ERAP1: variants seen among roughly 807,000 people sequenced by gnomAD.
The protein encoded by ERAP1 is adipocyte-derived leucine aminopeptidase.
A neutral mutation model predicts 103.7 loss-of-function variants in ERAP1; 86 were observed. That is an observed-to-expected ratio of 0.83 (90% CI 0.70 to 0.99). The LOEUF (loss-of-function observed/expected upper bound fraction) is 0.99, where lower values mean the gene tolerates loss of function less well. ERAP1 is among the 50% of genes least tolerant of loss of function. The pLI is 0.00. For synonymous variants in ERAP1, 398 were observed against 402.4 expected, an observed-to-expected ratio of 0.99 and a Z score of 0.13; for missense variants, 1,009 against 1,128.4, an observed-to-expected ratio of 0.89 and a Z score of 1.52.
chr5:96,812,593 C>G (rs1467000656), upstream of ERAP1, among the ~76,000 whole-genome samples: 1 of 151,920 alleles, frequency 6.6e-6, no homozygotes, highest in Non-Finnish European at 1.5e-5. Flanking sequence ...TGGTGTTATG[C>G]TACTAACTGT....
At chr5:96,912,265 T>A in the ERAP1 span, among the ~76,000 whole-genome samples, 7 of 149,622 alleles carry the variant, frequency 4.7e-5, no homozygotes, top group Middle Eastern at 3.4e-3. Flanking sequence ...TAATCATCTT[T>A]AAAAAAAAAA....
chr5:96,894,814 TA>T, the ERAP1 span, among the ~76,000 whole-genome samples: 1 of 152,218 alleles, frequency 6.6e-6, no homozygotes, highest in South Asian at 2.1e-4. Flanking sequence ...CTACTTAATA[TA>T]AAAAGATAAC....
rs972339222 is a variant in ERAP1, at chr5:96,774,916, T to C, written c.*1480A>G. On this transcript the variant is annotated 3_prime_UTR_variant, in exon 19 of 19. Coordinates refer to ENST00000443439, the MANE Select transcript of ERAP1 (RefSeq NM_001040458.3). ...GGGGAACACATTTTGACATTTTTCG[T>C]ACCAATCATCAATCATATTCCCTTA... 7.4e-5 allele frequency: 73 copies of C among 985,324 alleles called. No individual in the cohort carries two copies. The highest frequency in any genetic ancestry group is 8.6e-5 in the Non-Finnish European group (71 of 829,756). 61.0% of individuals were successfully genotyped at this position (985,324 alleles called of 1,614,324 possible).
chr5:96,883,866 AAGCC>A, the ERAP1 span: 1 of 1,613,934 alleles, frequency 6.2e-7, no homozygotes, highest in Non-Finnish European at 8.5e-7. Context: ...CCGTTGTTCA[AAGCC>A]AACTTTTCAA....
At chr5:96,928,042 A>T in the ERAP1 span, among the ~76,000 whole-genome samples, 1 of 152,116 alleles carries the variant, frequency 6.6e-6, no homozygotes, top group Non-Finnish European at 1.5e-5. Context: ...AGTAGCTGGG[A>T]TTACAGACAC....
intron 4 of ERAP1, among the ~76,000 whole-genome samples, chr5:96,796,335 T>C (rs1194679940): frequency 2.6e-5 from 4 of 152,356 alleles, no homozygotes; most frequent in East Asian, 3.9e-4. Context: ...TATGCAACAG[T>C]ACCCAAATGA....
chr5:96,864,912 A>G, the ERAP1 span, among the ~76,000 whole-genome samples: 1 of 152,200 alleles, frequency 6.6e-6, no homozygotes, highest in Non-Finnish European at 1.5e-5. Flanking sequence ...TAAAAATCTT[A>G]TGGATACAGA....
the ERAP1 span, among the ~76,000 whole-genome samples, chr5:96,903,114 A>G: frequency 6.6e-6 from 1 of 152,184 alleles, no homozygotes; most frequent in Admixed American, 6.5e-5. Flanking sequence ...CCTTCCTTGC[A>G]TGTCTCTTAG....
At chr5:96,822,467 T>A in the ERAP1 span, among the ~76,000 whole-genome samples, 5 of 152,168 alleles carry the variant, frequency 3.3e-5, no homozygotes, top group Admixed American at 3.3e-4. Flanking sequence ...AAAATCCAGA[T>A]AAAGTATAAT....
chr5:96,794,311 TGC>T (rs1777100620), intron 5 of ERAP1, among the ~76,000 whole-genome samples: 1 of 150,946 alleles, frequency 6.6e-6, no homozygotes, highest in African/African-American at 2.4e-5. Flanking sequence ...ATCTCAGCCT[TGC>T]AAGTAGCTGG....
the ERAP1 span, chr5:96,909,159 T>A: frequency 4.4e-6 from 7 of 1,585,932 alleles, no homozygotes; most frequent in East Asian, 1.3e-4. Flanking sequence ...AAATACACAG[T>A]GTCTGGAGTA....
chr5:96,797,556 C>T (rs1188966918), intron 3 of ERAP1, among the ~76,000 whole-genome samples: 2 of 152,078 alleles, frequency 1.3e-5, no homozygotes, highest in Non-Finnish European at 1.5e-5. Context: ...GTCATAGCTA[C>T]TGGGGAGGCT....
chr5:96,906,263 T>TTCTTCTTCTTCAAGGGCTTTGC, the ERAP1 span, among the ~76,000 whole-genome samples: 1 of 151,894 alleles, frequency 6.6e-6, no homozygotes, highest in African/African-American at 2.4e-5. Flanking sequence ...CTTCTTCCTC[T>TTCTTCTTCTTCAAGGGCTTTGC]TCTTCTTCTT....
chr5:96,763,100 T>C, exon 20 of ERAP1: 1 of 776,124 alleles, frequency 1.3e-6, no homozygotes, highest in Admixed American at 1.7e-5. Flanking sequence ...ATTTGCTAGA[T>C]GGAGATGAAG....
intron 19 of ERAP1, chr5:96,767,460 C>T (rs1386137192): frequency 6.2e-7 from 1 of 1,612,758 alleles, no homozygotes. Context: ...AAGCCACCTA[C>T]AAAGAAATCA....
At chr5:96,902,484 CAT>C in the ERAP1 span, 13 of 589,740 alleles carry the variant, frequency 2.2e-5, no homozygotes, top group East Asian at 8.7e-5. Flanking sequence ...GTCATTTATC[CAT>C]ATGTTACTAA....
At chr5:96,801,827 GGGTGACAGAGC>G (rs1324174616) in intron 2 of ERAP1, among the ~76,000 whole-genome samples, 1 of 130,300 alleles carries the variant, frequency 7.7e-6, no homozygotes, top group Non-Finnish European at 1.6e-5. Flanking sequence ...ACTCCAGCCT[GGGTGACAGAGC>G]AAGACTCCGT....
the ERAP1 span, among the ~76,000 whole-genome samples, chr5:96,842,213 G>A: frequency 4.6e-5 from 7 of 152,002 alleles, no homozygotes; most frequent in Admixed American, 2.0e-4. Context: ...GGCTGGTTCC[G>A]TATTTTTTCA....
the ERAP1 span, among the ~76,000 whole-genome samples, chr5:96,869,164 G>A: frequency 1.3e-5 from 2 of 151,562 alleles, no homozygotes; most frequent in Admixed American, 1.3e-4. Flanking sequence ...TGCATAGCTA[G>A]GGTTACACAG....
Sources: allele counts gnomAD v4.1 joint callset (sites outside exome capture counted in the v4.1 genomes callset), GRCh38; gene constraint gnomAD v4.1.1; transcripts MANE v1.5; gene names NCBI Gene and HGNC (gene_info 2026-07-23, HGNC 2026-07-21).